Variants in ARHGAP6 observed in about 807,000 individuals in gnomAD.
The protein encoded by ARHGAP6 is Rho GTPase activating protein 6, also known as rho GTPase-activating protein 6.
ARHGAP6 carries 16 observed loss-of-function variants against 55.7 expected under a neutral mutation model. That is an observed-to-expected ratio of 0.29 (90% CI 0.19 to 0.44). The LOEUF (loss-of-function observed/expected upper bound fraction) is 0.44. ARHGAP6 is among the 20% of genes least tolerant of loss of function. The probability of loss-of-function intolerance (pLI) is 1.00; values close to 1 mark genes in which losing one functional copy is unlikely to be tolerated. For synonymous variants in ARHGAP6, 382 were observed against 360.9 expected, an observed-to-expected ratio of 1.06 and a Z score of -0.66; for missense variants, 698 against 808.9, an observed-to-expected ratio of 0.86 and a Z score of 1.66.
intron 10 of ARHGAP6, among the ~76,000 whole-genome samples, chrX:11,153,295 G>C (rs1001506466): frequency 9.1e-6 from 1 of 110,099 alleles, no homozygotes; most frequent in African/African-American, 3.3e-5. Flanking sequence ...GGGAGGCTGA[G>C]GCGGATGGAT....
intron 1 of ARHGAP6, among the ~76,000 whole-genome samples, chrX:11,278,374 T>A (rs900780266): frequency 6.3e-5 from 7 of 111,162 alleles, no homozygotes; most frequent in African/African-American, 2.3e-4. Context: ...GATGTGACTA[T>A]AGAATAATGA....
At chrX:11,184,651 C>G (rs1050297664) in intron 5 of ARHGAP6, among the ~76,000 whole-genome samples, 1 of 112,564 alleles carries the variant, frequency 8.9e-6, no homozygotes, top group African/African-American at 3.2e-5. Context: ...ATTCAGTTCA[C>G]TCAGAGTCTA....
chrX:11,276,120 AGAG>A (rs2047761093), intron 1 of ARHGAP6, among the ~76,000 whole-genome samples: 1 of 111,169 alleles, frequency 9.0e-6, no homozygotes, highest in Non-Finnish European at 1.9e-5. Context: ...GAGGGAGGAA[AGAG>A]GAGGGGTGGG....
chrX:11,333,662 T>C (rs1382230560), intron 1 of ARHGAP6, among the ~76,000 whole-genome samples: 1 of 112,321 alleles, frequency 8.9e-6, no homozygotes, highest in Non-Finnish European at 1.9e-5. Flanking sequence ...TTCTTTTTCT[T>C]AAATGAGAGG....
At chrX:11,534,328 C>T (rs763436423) in intron 1 of ARHGAP6, among the ~76,000 whole-genome samples, 25 of 111,530 alleles carry the variant, frequency 2.2e-4, no homozygotes, top group Non-Finnish European at 4.3e-4. Flanking sequence ...TGCTTACACC[C>T]TCACACTTAG....
intron 1 of ARHGAP6, chrX:11,427,752 C>CCCGCTG (rs2049899151): frequency 2.6e-5 from 20 of 762,450 alleles, no homozygotes; most frequent in Non-Finnish European, 3.1e-5. Context: ...GGCACAGCGT[C>CCCGCTG]CCGCTGCCGC....
intron 1 of ARHGAP6, among the ~76,000 whole-genome samples, chrX:11,391,808 G>C (rs983346384): frequency 8.9e-6 from 1 of 112,248 alleles, no homozygotes; most frequent in African/African-American, 3.2e-5. Flanking sequence ...GATTGCCTAG[G>C]GATCTTCGTA....
chrX:11,386,822 G>A (rs980893566), intron 1 of ARHGAP6, among the ~76,000 whole-genome samples: 8 of 112,019 alleles, frequency 7.1e-5, no homozygotes, highest in Admixed American at 2.8e-4. Flanking sequence ...AAGAAATAGA[G>A]GCAAGTGATG....
chrX:11,644,648 A>G lies in ARHGAP6; in HGVS notation c.588+19593T>C, dbSNP rs1206416333. On this transcript the variant is annotated intron_variant, in intron 1 of 12. Coordinates refer to ENST00000337414, the MANE Select transcript of ARHGAP6 (RefSeq NM_013427.3). ...CATGACAAGATACCACTCATTAAAG[A>G]TACCACCTATTAAAGTGAAAAAAAT... Among the ~76,000 whole-genome samples the G allele has an allele frequency of 4.5e-5, 5 of 111,089 alleles. No homozygotes were observed. In the Admixed American group the frequency reaches 4.8e-4, roughly 11 times the overall value.
At chrX:11,512,712 C>G (rs747981082) in intron 1 of ARHGAP6, among the ~76,000 whole-genome samples, 1 of 111,120 alleles carries the variant, frequency 9.0e-6, no homozygotes, top group South Asian at 3.8e-4. Flanking sequence ...GGAAAAGAAC[C>G]CAGTTTTCTC....
At chrX:11,181,629 T>C (rs1221599286) in intron 6 of ARHGAP6, among the ~76,000 whole-genome samples, 1 of 112,441 alleles carries the variant, frequency 8.9e-6, no homozygotes. Flanking sequence ...GGAAACTTCA[T>C]AAGAATTATT....
At chrX:11,299,494 G>A (rs1281990788) in intron 1 of ARHGAP6, among the ~76,000 whole-genome samples, 1 of 111,907 alleles carries the variant, frequency 8.9e-6, no homozygotes, top group African/African-American at 3.2e-5. Context: ...CTAACTTGGA[G>A]GCGGCTAAAC....
chrX:11,621,162 G>A (rs1011568747), intron 1 of ARHGAP6, among the ~76,000 whole-genome samples: 6 of 111,258 alleles, frequency 5.4e-5, no homozygotes, highest in Non-Finnish European at 1.1e-4. Flanking sequence ...GAGAGAGAAC[G>A]GACATACATG....
At chrX:11,633,477 G>C (rs1469890717) in intron 1 of ARHGAP6, among the ~76,000 whole-genome samples, 2 of 111,826 alleles carry the variant, frequency 1.8e-5, no homozygotes, top group Admixed American at 1.9e-4. Context: ...GACCTGCCAT[G>C]ATGGGTCATT....
intron 1 of ARHGAP6, among the ~76,000 whole-genome samples, chrX:11,277,596 G>C (rs1235342231): frequency 9.0e-6 from 1 of 110,890 alleles, no homozygotes; most frequent in Non-Finnish European, 1.9e-5. Context: ...AGCCATCAGA[G>C]CTTTTTCCAA....
intron 1 of ARHGAP6, among the ~76,000 whole-genome samples, chrX:11,382,080 T>C (rs999242681): frequency 1.8e-5 from 2 of 111,710 alleles, no homozygotes; most frequent in African/African-American, 3.3e-5. Flanking sequence ...ATGTTGTTGG[T>C]TGTGGTAGTG....
At position 11,505,073 on chromosome X, in the gene ARHGAP6, C is replaced by T. The variant is rs73486530; in HGVS notation, c.588+159168G>A. ...TAAAGACCAACATAATGAAGGAAGG[C>T]GCAACAGAGTCCAAACTAGGCAGAT... On this transcript the variant is annotated intron_variant, in intron 1 of 12. Coordinates refer to ENST00000337414, the MANE Select transcript of ARHGAP6 (RefSeq NM_013427.3). Among the ~76,000 whole-genome samples, 18 of 110,059 alleles carry T rather than the reference C, an allele frequency of 1.6e-4. No individual in the cohort carries two copies. In the East Asian group the frequency reaches 2.0e-3, roughly 12 times the overall value.
chrX:11,453,528 A>G (rs1234472260), intron 1 of ARHGAP6, among the ~76,000 whole-genome samples: 1 of 109,221 alleles, frequency 9.2e-6, no homozygotes, highest in African/African-American at 3.3e-5. Context: ...AGGAAAGAAG[A>G]CATTGTAAGC....
intron 1 of ARHGAP6, among the ~76,000 whole-genome samples, chrX:11,430,219 G>T (rs766366912): frequency 2.6e-4 from 29 of 112,394 alleles, no homozygotes; most frequent in Non-Finnish European, 5.1e-4. Flanking sequence ...TTTCAAAAAT[G>T]TAGTAAGTCA....
Sources: gnomAD v4.1 joint callset for allele counts (sites outside exome capture counted in the v4.1 genomes callset) on GRCh38, gnomAD v4.1.1 for gene constraint, MANE v1.5 for transcripts, NCBI Gene and HGNC (gene_info 2026-07-23, HGNC 2026-07-21) for gene names.